Variants in JAZF1 observed in about 807,000 individuals in gnomAD.
The protein encoded by JAZF1 is juxtaposed with another zinc finger protein 1.
Under a neutral mutation model 26.4 loss-of-function variants are expected in JAZF1, and 8 were observed. The observed-to-expected ratio is 0.30, with a 90% CI of 0.18 to 0.55. The LOEUF is 0.55. Ranked by LOEUF, JAZF1 falls within the 20% of genes least tolerant of loss-of-function variation. The pLI is 0.94. For missense variants in JAZF1, 199 were observed against 322.0 expected (o/e 0.62, Z 2.92); for synonymous variants, 126 against 122.3 (o/e 1.03, Z -0.20).
intron 3 of JAZF1, among the ~76,000 whole-genome samples, chr7:27,850,754 C>G (rs1010742140): frequency 3.3e-5 from 5 of 151,818 alleles, no homozygotes; most frequent in African/African-American, 7.3e-5. Flanking sequence ...TGGGCCTCAT[C>G]ATGACCTTTT....
chr7:28,037,473 G>C (rs1271508436), intron 1 of JAZF1, among the ~76,000 whole-genome samples: 2 of 152,104 alleles, frequency 1.3e-5, no homozygotes, highest in African/African-American at 2.4e-5. Context: ...GAAAAAGAGG[G>C]GACATAGTGA....
At chr7:28,127,928 A>G (rs919482260) in intron 1 of JAZF1, among the ~76,000 whole-genome samples, 5 of 152,142 alleles carry the variant, frequency 3.3e-5, no homozygotes, top group Non-Finnish European at 5.9e-5. Flanking sequence ...TCATGATTCA[A>G]TCATCTCCCA....
chr7:27,901,404 A>G (rs570168489), intron 2 of JAZF1, among the ~76,000 whole-genome samples: 48 of 152,306 alleles, frequency 3.2e-4, no homozygotes, highest in Admixed American at 6.5e-4. Flanking sequence ...CCACAGGGGG[A>G]AAATGTCAAC....
intron 1 of JAZF1, among the ~76,000 whole-genome samples, chr7:28,079,215 ACT>A (rs1261628727): frequency 1.3e-5 from 2 of 151,194 alleles, no homozygotes; most frequent in Non-Finnish European, 2.9e-5. Flanking sequence ...CTGCTCTTGA[ACT>A]CCTGACCTCA....
chr7:27,884,950 C>A (rs543249311), intron 3 of JAZF1, among the ~76,000 whole-genome samples: 2 of 152,086 alleles, frequency 1.3e-5, no homozygotes, highest in Non-Finnish European at 2.9e-5. Context: ...CTCTGCCGGG[C>A]GGAGGGATAA....
intron 1 of JAZF1, among the ~76,000 whole-genome samples, chr7:28,057,955 T>G (rs1783739117): frequency 6.6e-6 from 1 of 152,256 alleles, no homozygotes; most frequent in Admixed American, 6.5e-5. Context: ...ATTCCAGTTC[T>G]TGTTTCATTA....
intron 1 of JAZF1, among the ~76,000 whole-genome samples, chr7:28,016,485 G>A (rs891674628): frequency 2.6e-5 from 4 of 152,302 alleles, no homozygotes; most frequent in African/African-American, 9.6e-5. Flanking sequence ...AATGTGTGTG[G>A]CAGCCAGCCT....
At chr7:27,889,340 G>A (rs970733525) in intron 3 of JAZF1, among the ~76,000 whole-genome samples, 4 of 152,100 alleles carry the variant, frequency 2.6e-5, no homozygotes, top group African/African-American at 4.8e-5. Context: ...TAAGCTGTAG[G>A]CAATAATAAC....
chr7:28,113,517 C>T (rs1784695708), intron 1 of JAZF1, among the ~76,000 whole-genome samples: 1 of 152,294 alleles, frequency 6.6e-6, no homozygotes, highest in Middle Eastern at 3.4e-3. Flanking sequence ...ACACCAGATA[C>T]CTGCAGAAGA....
At chr7:27,978,641 C>G (rs552640879) in intron 2 of JAZF1, among the ~76,000 whole-genome samples, 45 of 152,148 alleles carry the variant, frequency 3.0e-4, no homozygotes, top group Non-Finnish European at 5.4e-4. Flanking sequence ...TTACCTCAAA[C>G]TATATACACA....
At chr7:27,896,378 T>G (rs185078183) in intron 2 of JAZF1, among the ~76,000 whole-genome samples, 3 of 152,284 alleles carry the variant, frequency 2.0e-5, no homozygotes, top group Admixed American at 2.0e-4. Flanking sequence ...TCAGCTGCAT[T>G]TTTGAAAATT....
chr7:27,934,044 T>C (rs943986909), intron 2 of JAZF1, among the ~76,000 whole-genome samples: 1 of 152,238 alleles, frequency 6.6e-6, no homozygotes, highest in Non-Finnish European at 1.5e-5. Flanking sequence ...ACTTTTTCAT[T>C]AGCCGCATGG....
chr7:27,895,094 G>C (rs1784036591), intron 3 of JAZF1, 126 bp downstream of exon 3: 4 of 480,632 alleles, frequency 8.3e-6, no homozygotes, highest in Admixed American at 8.3e-5. Flanking sequence ...ACTAGTGAAA[G>C]GATCAACGAT....
chr7:28,095,039 G>A (rs1468397497), intron 1 of JAZF1, among the ~76,000 whole-genome samples: 1 of 151,954 alleles, frequency 6.6e-6, no homozygotes, highest in Non-Finnish European at 1.5e-5. Flanking sequence ...GTACCCCAAG[G>A]GTGTGCCATC....
chr7:27,887,960 AAGGAAG>A (rs1434937062), intron 3 of JAZF1, among the ~76,000 whole-genome samples: 1 of 152,198 alleles, frequency 6.6e-6, no homozygotes, highest in African/African-American at 2.4e-5. Context: ...GTCAATCAAA[AAGGAAG>A]AGGAAGAGAC....
rs541418704 is a variant in JAZF1 at position 28,157,478 on chromosome 7, G to A, written c.115+22985C>T. 2.3e-4 allele frequency among the ~76,000 whole-genome samples: 35 copies of A among 152,322 alleles called. No homozygotes were observed. The Middle Eastern group carries it at 0.01, about 44-fold the overall frequency. ...AACTTTATTTATGGACGTGAAATCT[G>A]AGTTGCAAATAATTTTCACATTTTT... On this transcript the variant is annotated intron_variant, in intron 1 of 4. Coordinates refer to ENST00000283928, the MANE Select transcript of JAZF1 (RefSeq NM_175061.4).
chr7:27,877,475 C>T (rs7789880), intron 3 of JAZF1, among the ~76,000 whole-genome samples: 43,824 of 151,994 alleles, frequency 0.29, 6,728 homozygotes, highest in Middle Eastern at 0.38. Context: ...ATTTTCACCT[C>T]AGGTTTTACA....
chr7:27,965,258 A>T (rs1223751384), intron 2 of JAZF1, among the ~76,000 whole-genome samples: 1 of 152,248 alleles, frequency 6.6e-6, no homozygotes, highest in African/African-American at 2.4e-5. Context: ...TAAGCAAACA[A>T]AAAATCAGGC....
chr7:28,062,558 AC>A (rs1783817647), intron 1 of JAZF1, among the ~76,000 whole-genome samples: 2 of 135,136 alleles, frequency 1.5e-5, no homozygotes, highest in African/African-American at 6.4e-5. Flanking sequence ...CCACCGTGAT[AC>A]TCCAAGTGCC....
Sources: gnomAD v4.1 joint callset for allele counts (sites outside exome capture counted in the v4.1 genomes callset) on GRCh38, gnomAD v4.1.1 for gene constraint, MANE v1.5 for transcripts, NCBI Gene and HGNC (gene_info 2026-07-23, HGNC 2026-07-21) for gene names.